The following PIGN variants were observed in gnomAD, a reference collection of about 807,000 sequenced individuals.
PIGN encodes the protein phosphatidylinositol glycan anchor biosynthesis class N, also known as GPI ethanolamine phosphate transferase 1.
PIGN carries 117 observed loss-of-function variants against 125.4 expected under a neutral mutation model. The ratio of observed to expected loss-of-function variants is 0.93; its 90% CI spans 0.80 to 1.09. PIGN has a LOEUF of 1.09. PIGN is among the 50% of genes least tolerant of loss of function. The pLI is 0.00. For synonymous variants in PIGN, 392 were observed against 377.8 expected, an observed-to-expected ratio of 1.04 and a Z score of -0.44; for missense variants, 1,075 against 1,094.9, an observed-to-expected ratio of 0.98 and a Z score of 0.26.
intron 17 of PIGN, among the ~76,000 whole-genome samples, chr18:62,108,266 A>C (rs1436336792): frequency 6.6e-6 from 1 of 152,208 alleles, no homozygotes; most frequent in Non-Finnish European, 1.5e-5. Context: ...TCTATCAAAA[A>C]GATAAAGATA....
At chr18:62,097,734 TA>T (rs749993001) in intron 22 of PIGN, among the ~76,000 whole-genome samples, 2 of 152,160 alleles carry the variant, frequency 1.3e-5, no homozygotes. Context: ...TTTCCCACCG[TA>T]AAGTATGCAC....
At chr18:62,092,070 G>C (rs2033986809) in intron 23 of PIGN, among the ~76,000 whole-genome samples, 1 of 151,972 alleles carries the variant, frequency 6.6e-6, no homozygotes, top group Admixed American at 6.6e-5. Context: ...TAACACTGAA[G>C]ACTGGGCAGA....
chr18:62,142,023 TAC>T (rs1029472919), intron 11 of PIGN, among the ~76,000 whole-genome samples: 1 of 152,216 alleles, frequency 6.6e-6, no homozygotes, highest in Non-Finnish European at 1.5e-5. Context: ...CTTTGCTGAC[TAC>T]AGTCTATCAT....
At chr18:62,131,721 C>T (rs1349756796) in intron 14 of PIGN, among the ~76,000 whole-genome samples, 1 of 152,130 alleles carries the variant, frequency 6.6e-6, no homozygotes, top group Non-Finnish European at 1.5e-5. Flanking sequence ...TTTTACAAGC[C>T]TAAGATAAAG....
downstream of PIGN, among the ~76,000 whole-genome samples, chr18:62,039,714 T>A (rs1325553946): frequency 1.2e-5 from 1 of 86,210 alleles, no homozygotes; most frequent in Non-Finnish European, 2.7e-5. Flanking sequence ...TAGGGCCCCA[T>A]CCAGGGTGCC....
chr18:62,053,280 G>A (rs1362678637), intron 30 of PIGN, among the ~76,000 whole-genome samples: 1 of 152,054 alleles, frequency 6.6e-6, no homozygotes, highest in East Asian at 1.9e-4. Context: ...AATACCTACA[G>A]CAACCATTTA....
In PIGN at chr18:62,154,635, G is replaced by A. The variant is rs376615257; in HGVS notation, c.459C>T (p.His153=). 9.5e-5 allele frequency: 147 copies of A among 1,540,026 alleles called. No individual in the cohort carries two copies. The African/African-American group carries it at 1.4e-3, about 15-fold the overall frequency. ...PMFAKGASGD[H]VYTYSYDAKR... is the part of the protein sequence containing the mutation. ...TAGCATCATAACTATATGTATAAAC[G>A]TGGTCTCCACTAGCACCTGAAAAGA... Residue 153 remains histidine, a synonymous_variant, in exon 7 of 31, where the codon CAC becomes CAT. Coordinates refer to ENST00000640252, the MANE Select transcript of PIGN (RefSeq NM_176787.5).
At position 62,102,875 on chromosome 18, in the gene PIGN, C is replaced by A; in HGVS notation, c.1887G>T (p.Leu629=). The A allele has an allele frequency of 6.3e-7, 1 of 1,584,120 alleles. No homozygotes were observed. The highest frequency in any genetic ancestry group is 8.6e-7 in the Non-Finnish European group (1 of 1,164,174). ...GAGATGTTACAACACACAGGGATAA[C>A]AGAAGAACCAGCAAGCCTGCACCCA... ...LVMGAGLLVL[L]LSLCVVTSLM... The change falls in exon 21 of 31, where the codon CTG becomes CTT. Residue 629 remains leucine (L), a synonymous_variant. Transcript: ENST00000640252.
rs1037069750 is a variant in PIGN, at chr18:62,184,061, A to C, written c.-236+2783T>G. Among the ~76,000 whole-genome samples the C allele has an allele frequency of 3.9e-5, 6 of 152,178 alleles. No individual in the cohort carries two copies. The South Asian group carries it at 8.3e-4, about 21-fold the overall frequency. On this transcript the variant is annotated intron_variant, in intron 1 of 30. Coordinates refer to ENST00000640252, the MANE Select transcript of PIGN (RefSeq NM_176787.5). ...CTCCAAAACAAACACATAACTATTA[A>C]AATTTTAAAAAGATATATGCATGTA...
intron 30 of PIGN, among the ~76,000 whole-genome samples, chr18:62,062,692 T>G (rs1323422871): frequency 5.9e-5 from 9 of 151,984 alleles, no homozygotes; most frequent in Non-Finnish European, 1.2e-4. Context: ...TACCCTGAAT[T>G]GCATTAATAA....
At chr18:62,066,477 T>C (rs1266565060) in intron 30 of PIGN, among the ~76,000 whole-genome samples, 1 of 152,196 alleles carries the variant, frequency 6.6e-6, no homozygotes, top group African/African-American at 2.4e-5. Context: ...AGTAGCACAG[T>C]AGAAGTGTTG....
In PIGN at chr18:62,113,042, C is replaced by A. The variant is rs1478796590; in HGVS notation, c.1434+92G>T. ...AAGATAAACAAGAGTTAGCTTAGAA[C>A]AATGACTTGCACATCCTATAAACTC... On this transcript the variant is annotated intron_variant, in intron 16 of 30. Transcript: ENST00000640252. 5.5e-6 allele frequency: 5 copies of A among 914,156 alleles called. No individual in the cohort carries two copies. The South Asian group carries it at 5.7e-5, about 10-fold the overall frequency. The allele number at this position is 914,156 out of a possible 1,614,324, so 56.6% of individuals were successfully genotyped here. A position where few individuals can be genotyped will look rare whatever the true frequency, so the allele number is the denominator to read the frequency against.
intron 1 of PIGN, among the ~76,000 whole-genome samples, chr18:62,185,437 A>C (rs1160283816): frequency 6.6e-6 from 1 of 152,208 alleles, no homozygotes; most frequent in Non-Finnish European, 1.5e-5. Context: ...TCTAGCAAAA[A>C]TAAAATTTTA....
intron 14 of PIGN, among the ~76,000 whole-genome samples, chr18:62,118,978 G>A (rs2146709225): frequency 6.6e-6 from 1 of 151,874 alleles, no homozygotes; most frequent in Admixed American, 6.6e-5. Context: ...CAGAAGTTTT[G>A]GTAGTCTCAA....
intron 23 of PIGN, among the ~76,000 whole-genome samples, chr18:62,024,586 T>G (rs4940544): frequency 0.42 from 64,150 of 152,010 alleles, 15,206 homozygotes; most frequent in African/African-American, 0.64. Flanking sequence ...AACTCCAACC[T>G]TAGCCCCACA....
intron 10 of PIGN, among the ~76,000 whole-genome samples, chr18:62,145,018 G>A (rs989301728): frequency 7.5e-6 from 1 of 133,360 alleles, no homozygotes; most frequent in Non-Finnish European, 1.6e-5. Context: ...CGGGGGGGGG[G>A]GGGCAGGGTG....
At chr18:62,060,872 C>T (rs556606798) in intron 30 of PIGN, among the ~76,000 whole-genome samples, 8 of 151,690 alleles carry the variant, frequency 5.3e-5, no homozygotes, top group African/African-American at 1.9e-4. Flanking sequence ...TTCAGTATGC[C>T]GTATAAAAGG....
chr18:62,169,690 G>A lies in PIGN; in HGVS notation c.-235-6034C>T, dbSNP rs565728521. On this transcript the variant is annotated intron_variant, in intron 1 of 30. Coordinates refer to ENST00000640252, the MANE Select transcript of PIGN (RefSeq NM_176787.5). ...GGCTGCAGTGCAGTCGTACGATCAC[G>A]GCTTACTGCAGCCTTGACCTCCTGG... Among the ~76,000 whole-genome samples the A allele has an allele frequency of 3.3e-5, 5 of 151,704 alleles. 1 individual carries two copies. Among genetic ancestry groups the A allele is most frequent in the South Asian group, 2.1e-4 (1 of 4,790 alleles).
chr18:62,132,115 T>C lies in PIGN; in HGVS notation c.1172+6128A>G, dbSNP rs564794555. ...AAAAGCATGTGTGACAACAGTACTC[T>C]TTGATCTTTTATGTTTATAGGCCCA... is the stretch of plus-strand genomic sequence containing the variant. On this transcript the variant is annotated intron_variant, in intron 14 of 30. Transcript: ENST00000640252. Among the ~76,000 whole-genome samples the C allele has an allele frequency of 1.4e-3, 219 of 152,350 alleles. 2 individuals carry two copies. Among genetic ancestry groups the C allele is most frequent in the African/African-American group, 5.2e-3 (215 of 41,580 alleles).
Sources: allele counts gnomAD v4.1 joint callset (sites outside exome capture counted in the v4.1 genomes callset), GRCh38; gene constraint gnomAD v4.1.1; transcripts MANE v1.5; gene names NCBI Gene and HGNC (gene_info 2026-07-23, HGNC 2026-07-21).